Variants in NAV1 observed in about 807,000 individuals in gnomAD.
NAV1 encodes pore membrane and/or filament interacting like protein 3.
A neutral mutation model predicts 175.2 loss-of-function variants in NAV1; 18 were observed. The observed-to-expected ratio is 0.10, with a 90% CI of 0.07 to 0.15. The LOEUF is 0.15. Ranked by LOEUF, NAV1 falls within the 10% of genes least tolerant of loss-of-function variation. The pLI is 1.00. For synonymous variants in NAV1, 897 were observed against 978.7 expected (o/e 0.92, Z 1.56); for missense variants, 1,731 against 2,436.6 (o/e 0.71, Z 6.10).
rs1248882939 is a variant in NAV1 at position 201,718,324 on chromosome 1, T to C, written c.861-66T>C. 3 of 1,433,388 alleles carry C rather than the reference T, an allele frequency of 2.1e-6. No individual in the cohort carries two copies. In the African/African-American group the frequency reaches 4.3e-5, roughly 21 times the overall value. The allele number at this position is 1,433,388 out of a possible 1,614,324, so 88.8% of individuals were successfully genotyped here. A position where few individuals can be genotyped will look rare whatever the true frequency, so the allele number is the denominator to read the frequency against. Reference sequence around the variant, plus strand: ...GGAGGGGAGGCATTGCTGGGGTGCATGTGAGGGGACAGGGCACACGGCGGC... The same window carrying C: ...GGAGGGGAGGCATTGCTGGGGTGCACGTGAGGGGACAGGGCACACGGCGGC... On this transcript the variant is annotated intron_variant, in intron 2 of 29. Coordinates refer to ENST00000367296, the Ensembl canonical transcript of NAV1. The surrounding 1 kb of genome is among the most constrained non-coding windows in gnomAD (Gnocchi z 4.8).
In NAV1 at chr1:201,756,809, C is replaced by CTTCTTTCTTTCTTTCTTTTTCT. The variant is rs1558131288; in HGVS notation, c.1227-23594_1227-23593insTTCTTTCTTTCTTTCTTTCTTT. 8.3e-3 allele frequency among the ~76,000 whole-genome samples: 225 copies of CTTCTTTCTTTCTTTCTTTTTCT among 26,996 alleles called. 14 individuals carry two copies. Among genetic ancestry groups the CTTCTTTCTTTCTTTCTTTTTCT allele is most frequent in the South Asian group, 0.025 (21 of 850 alleles). 17.7% of individuals were successfully genotyped at this position (26,996 alleles called of 152,430 possible). On this transcript the variant is annotated intron_variant, in intron 3 of 29. Transcript: ENST00000367296. ...ATGAGCAATTCTCTTTCTTTCTTTC[C>CTTCTTTCTTTCTTTCTTTTTCT]TTCTTTCTTTCTTTCTTTCTTTCTT...
chr1:201,781,385 C>T, intron 5 of NAV1, 76 bp downstream of exon 9: 3 of 1,386,888 alleles, frequency 2.2e-6, no homozygotes, highest in South Asian at 1.5e-5. Context: ...TGGTCATTAA[C>T]CCATAGGATG....
intron 1 of NAV1, among the ~76,000 whole-genome samples, chr1:201,665,935 G>C (rs1048182896): frequency 6.6e-6 from 1 of 151,800 alleles, no homozygotes; most frequent in African/African-American, 2.4e-5. Flanking sequence ...TCCTCTTCTG[G>C]TTTCCAGTCA....
chr1:201,564,247 T>C (rs926042255), intron 1 of NAV1, among the ~76,000 whole-genome samples: 1 of 152,144 alleles, frequency 6.6e-6, no homozygotes, highest in Admixed American at 6.5e-5. Flanking sequence ...GTGAAAGGAA[T>C]AGTTCAGTCT....
At chr1:201,693,913 T>C (rs1042490696) in intron 1 of NAV1, among the ~76,000 whole-genome samples, 4 of 152,108 alleles carry the variant, frequency 2.6e-5, no homozygotes, top group Non-Finnish European at 5.9e-5. Flanking sequence ...GATGTGCTTT[T>C]AGACACCTTG....
chr1:201,636,497 G>T (rs534567402), intron 2 of NAV1, among the ~76,000 whole-genome samples: 2 of 152,334 alleles, frequency 1.3e-5, no homozygotes, highest in South Asian at 4.1e-4. Context: ...AGGGCGGAAG[G>T]AATAAAAAAC....
intron 29 of NAV1, among the ~76,000 whole-genome samples, chr1:201,817,619 G>A (rs1679132121): frequency 6.6e-6 from 1 of 152,124 alleles, no homozygotes; most frequent in South Asian, 2.1e-4. Context: ...AAGATCATAT[G>A]CCTGAGACCT....
intron 3 of NAV1, among the ~76,000 whole-genome samples, chr1:201,766,188 CA>C (rs1243324330): frequency 1.3e-5 from 2 of 152,108 alleles, no homozygotes; most frequent in African/African-American, 2.4e-5. Flanking sequence ...AGCCTTAACT[CA>C]AAAAAATTTA....
At chr1:201,703,572 C>T (rs1671536423) in intron 1 of NAV1, among the ~76,000 whole-genome samples, 1 of 152,238 alleles carries the variant, frequency 6.6e-6, no homozygotes, top group African/African-American at 2.4e-5. Flanking sequence ...ATGGACCACC[C>T]TTGACCTTGG....
At chr1:201,765,404 C>CTT (rs895760348) in intron 3 of NAV1, among the ~76,000 whole-genome samples, 1 of 78,268 alleles carries the variant, frequency 1.3e-5, no homozygotes, top group African/African-American at 5.0e-5. Context: ...TTTTTTTTTT[C>CTT]TTTTTTTTGA....
At chr1:201,734,394 G>A (rs1167125300) in intron 3 of NAV1, among the ~76,000 whole-genome samples, 2 of 150,088 alleles carry the variant, frequency 1.3e-5, no homozygotes, top group African/African-American at 4.9e-5. Flanking sequence ...GGGTGACAGA[G>A]CAAGACCCTG....
In NAV1 at chr1:201,809,270, C is replaced by G. The variant is rs1678534769; in HGVS notation, c.4305+9C>G. 6.2e-7 allele frequency: 1 copy of G among 1,613,378 alleles called. No individual in the cohort carries two copies. The highest frequency in any genetic ancestry group is 8.5e-7 in the Non-Finnish European group (1 of 1,179,484). ...AGCACATCATCAAAGGGGTAAGGAA[C>G]TTCAGGGAGAGCCACAGTGGGAATG... is the stretch of plus-strand genomic sequence containing the variant. On this transcript the variant is annotated intron_variant, in intron 21 of 29. Coordinates refer to ENST00000367296, the Ensembl canonical transcript of NAV1.
At position 201,807,482 on chromosome 1, in the gene NAV1, C is replaced by T. The variant is rs116546638; in HGVS notation, c.3649-471C>T. On this transcript the variant is annotated intron_variant, in intron 17 of 29. Coordinates refer to ENST00000367296, the Ensembl canonical transcript of NAV1. This position sits in a 1 kb window ranked among gnomAD's most constrained non-coding sequence, Gnocchi z 5.4. ...ACAGTGAGCCAGGTTCTAGACTGAG[C>T]GGTTATTGTTCTGCTGCAGAAGGTG... Among the ~76,000 whole-genome samples, 146 of 152,220 alleles carry T rather than the reference C, an allele frequency of 9.6e-4. 1 individual carries two copies. Among genetic ancestry groups the T allele is most frequent in the African/African-American group, 3.3e-3 (138 of 41,538 alleles).
chr1:201,759,463 A>G (rs1463655452), intron 3 of NAV1, among the ~76,000 whole-genome samples: 1 of 152,244 alleles, frequency 6.6e-6, no homozygotes, highest in African/African-American at 2.4e-5. Context: ...GTGAGTGTTC[A>G]TTAATATCGT....
intron 1 of NAV1, among the ~76,000 whole-genome samples, chr1:201,682,936 A>G (rs930840948): frequency 3.3e-5 from 5 of 152,242 alleles, no homozygotes; most frequent in African/African-American, 1.2e-4. Context: ...TGTTGGTAAC[A>G]TCTTACATTA....
intron 2 of NAV1, among the ~76,000 whole-genome samples, chr1:201,616,054 T>TA (rs1476803595): frequency 2.3e-5 from 3 of 129,694 alleles, no homozygotes. Flanking sequence ...AAATACTTGT[T>TA]GGTCCTTACT....
At chr1:201,624,022 T>A (rs558920958) in intron 1 of NAV1, among the ~76,000 whole-genome samples, 1 of 152,338 alleles carries the variant, frequency 6.6e-6, no homozygotes, top group Non-Finnish European at 1.5e-5. Flanking sequence ...TTAGACCAAC[T>A]CTATTGGCTT....
chr1:201,786,636 T>G (rs1676769816), intron 9 of NAV1, 59 bp downstream of exon 13: 8 of 1,543,430 alleles, frequency 5.2e-6, no homozygotes, highest in Non-Finnish European at 5.3e-6. Context: ...CCCTGCAGGG[T>G]GAGGCAAGGC....
intron 1 of NAV1, among the ~76,000 whole-genome samples, chr1:201,660,564 G>C (rs559904401): frequency 1.4e-4 from 21 of 152,184 alleles, no homozygotes; most frequent in Non-Finnish European, 2.9e-4. Flanking sequence ...CTCTAATCGA[G>C]GCCATGCACT....
Sources: allele counts gnomAD v4.1 joint callset (sites outside exome capture counted in the v4.1 genomes callset), GRCh38; gene constraint gnomAD v4.1.1; non-coding constraint Gnocchi (gnomAD v3.1); transcripts MANE v1.5; gene names NCBI Gene and HGNC (gene_info 2026-07-23, HGNC 2026-07-21).